CELF3: variants seen among roughly 807,000 people sequenced by gnomAD.
CELF3 encodes the protein CUGBP Elav-like family member 3, also known as CAG repeat domain.
Under a neutral mutation model 59.6 loss-of-function variants are expected in CELF3, and 26 were observed. The observed-to-expected ratio is 0.44, with a 90% confidence interval of 0.32 to 0.61. The LOEUF is 0.61. CELF3 is among the 20% of genes least tolerant of loss of function. The pLI, the probability that CELF3 is intolerant of heterozygous loss-of-function variation, is 0.06. For missense variants in CELF3, 387 were observed against 627.2 expected (o/e 0.62, Z 4.09); for synonymous variants, 245 against 250.7 (o/e 0.98, Z 0.22).
At chr1:151,708,564 G>A (rs968001397) in intron 5 of CELF3, among the ~76,000 whole-genome samples, 3 of 152,216 alleles carry the variant, frequency 2.0e-5, no homozygotes, top group African/African-American at 7.2e-5. Context: ...ACAGCCTTCT[G>A]AGTCAGCCAG....
intron 2 of CELF3, among the ~76,000 whole-genome samples, chr1:151,713,315 A>C (rs1193968915): frequency 6.6e-6 from 1 of 152,198 alleles, no homozygotes; most frequent in Non-Finnish European, 1.5e-5. Context: ...CTGAGCTGCC[A>C]GGCAGCTGGA....
chr1:151,706,172 T>A lies in CELF3; in HGVS notation c.1126+52A>T. ...GGGCTCAGCGCGGGGTGACAGGGAG[T>A]CCCCAAGCCCATAACGAGGGCATTC... On this transcript the variant is annotated intron_variant, in intron 10 of 12. Transcript: ENST00000290583. The A allele has an allele frequency of 1.9e-6, 3 of 1,610,216 alleles. No homozygotes were observed. In the South Asian group the frequency reaches 3.3e-5, roughly 18 times the overall value.
rs1366886247 is a variant in CELF3, at chr1:151,701,162, T to C, written c.*2297A>G. The C allele has an allele frequency of 1.3e-5, 2 of 152,242 alleles. No homozygotes were observed. Among genetic ancestry groups the C allele is most frequent in the Admixed American group, 6.5e-5 (1 of 15,282 alleles). The allele number at this position is 152,242 out of a possible 1,614,324, so 9.4% of individuals were successfully genotyped here. ...GAGTAAGTAAATCAGCTGAATACTT[T>C]AGAGGTAGACTTGGTAGGGCTTTGC... On this transcript the variant is annotated 3_prime_UTR_variant, in exon 13 of 13. Transcript: ENST00000290583.
In CELF3 at chr1:151,716,456, C is replaced by A; in HGVS notation, c.-436G>T. On this transcript the variant is annotated 5_prime_UTR_variant, in exon 1 of 13. Transcript: ENST00000290583. ...GGGAGGAGACTGAGGGGTTAAGGGG[C>A]CTGCTATGGTTGCCAGCAGCGTCAG... 6.6e-6 allele frequency: 2 copies of A among 304,726 alleles called. No individual in the cohort carries two copies. The highest frequency in any genetic ancestry group is 5.8e-5 in the South Asian group (2 of 34,266). 18.9% of individuals were successfully genotyped at this position (304,726 alleles called of 1,614,324 possible).
chr1:151,716,122 C>T lies in CELF3; in HGVS notation c.-102G>A. 3.1e-6 allele frequency: 4 copies of T among 1,272,688 alleles called. No homozygotes were observed. The highest frequency in any genetic ancestry group is 4.2e-6 in the Non-Finnish European group (4 of 941,342). 78.8% of individuals were successfully genotyped at this position (1,272,688 alleles called of 1,614,324 possible). On this transcript the variant is annotated 5_prime_UTR_variant, in exon 1 of 13. Coordinates refer to ENST00000290583, the MANE Select transcript of CELF3 (RefSeq NM_007185.7). ...TAAGTGGTGGGGCCCGGGGGCCCAG[C>T]TGGGGCTGGCTTTCCCTTTGGCCCC... is the stretch of plus-strand genomic sequence containing the variant.
rs1023063201 is a variant in CELF3 at position 151,716,326 on chromosome 1, AC to A, written c.-307del. 1 of 365,078 alleles carries A rather than the reference AC, an allele frequency of 2.7e-6. No individual in the cohort carries two copies. The highest frequency in any genetic ancestry group is 5.0e-6 in the Non-Finnish European group (1 of 199,020). 22.6% of individuals were successfully genotyped at this position (365,078 alleles called of 1,614,324 possible). ...CAGGATGGGGGTGAGTATGGCCAAG[AC>A]CTGGAGGGTTAGGTGGTAGCCGGGG... is the stretch of plus-strand genomic sequence containing the variant. On this transcript the variant is annotated 5_prime_UTR_variant, in exon 1 of 13. Transcript: ENST00000290583.
At chr1:151,704,536 C>A (rs1469783852) in intron 12 of CELF3, among the ~76,000 whole-genome samples, 1 of 152,194 alleles carries the variant, frequency 6.6e-6, no homozygotes, top group East Asian at 1.9e-4. Flanking sequence ...TGGGAAAAAT[C>A]ACCTGAAGTC....
chr1:151,708,070 A>G, intron 5 of CELF3, 135 bp from the exon 6 acceptor site: 1 of 930,792 alleles, frequency 1.1e-6, no homozygotes, highest in Non-Finnish European at 1.6e-6. Context: ...CATTTTGCGT[A>G]TGAAAGATGG....
chr1:151,708,952 G>T, intron 5 of CELF3, 46 bp downstream of exon 5: 1 of 1,556,810 alleles, frequency 6.4e-7, no homozygotes, highest in Non-Finnish European at 8.8e-7. Context: ...CTGGCAGGTG[G>T]GCAGGGTGGG....
Position 151,709,259 on chromosome 1 carries a change from C to G in CELF3, c.367G>C (p.Glu123Gln). The change falls in exon 4 of 13, where the codon GAG becomes CAG. Residue 123 changes from glutamate to glutamine, a missense_variant. Transcript: ENST00000290583. The surrounding 1 kb of genome is among the most constrained non-coding windows in gnomAD (Gnocchi z 4.9). ...TCTGGCCCCCGGAGCACAGTGCACTCGTCGATGGTCCCGAAGGGCTCAAAC... is the reference window on the plus strand; with the variant it reads ...TCTGGCCCCCGGAGCACAGTGCACTGGTCGATGGTCCCGAAGGGCTCAAAC... ...KMFEPFGTID[E>Q]CTVLRGPDGT... The G allele has an allele frequency of 6.2e-7, 1 of 1,614,050 alleles. No individual in the cohort carries two copies. The highest frequency in any genetic ancestry group is 8.5e-7 in the Non-Finnish European group (1 of 1,179,954).
Position 151,701,997 on chromosome 1 carries a change from A to C in CELF3, c.*1462T>G, listed in dbSNP as rs565227979. On this transcript the variant is annotated 3_prime_UTR_variant, in exon 13 of 13. Coordinates refer to ENST00000290583, the MANE Select transcript of CELF3 (RefSeq NM_007185.7). Reference sequence around the variant, plus strand: ...TAGGAGGTAAAATGAGGAAATGCACAATAAGGACTTGGAACAGAATCACAT... The same window carrying C: ...TAGGAGGTAAAATGAGGAAATGCACCATAAGGACTTGGAACAGAATCACAT... Among the ~76,000 whole-genome samples the C allele has an allele frequency of 6.6e-6, 1 of 152,366 alleles. No individual in the cohort carries two copies. The highest frequency in any genetic ancestry group is 2.1e-4 in the South Asian group (1 of 4,828).
intron 12 of CELF3, among the ~76,000 whole-genome samples, 158 bp from the exon 13 acceptor site, chr1:151,703,606 T>C (rs1040301967): frequency 2.0e-5 from 3 of 151,648 alleles, no homozygotes; most frequent in African/African-American, 7.3e-5. Flanking sequence ...CGGACCCATC[T>C]GCCCCCACCC....
In CELF3 at chr1:151,703,131, C is replaced by T. The variant is rs1022280218; in HGVS notation, c.*328G>A. The T allele has an allele frequency of 4.4e-5, 20 of 459,618 alleles. No individual in the cohort carries two copies. The highest frequency in any genetic ancestry group is 3.3e-4 in the Middle Eastern group (1 of 3,072). The allele number at this position is 459,618 out of a possible 1,614,324, so 28.5% of individuals were successfully genotyped here. ...GGCCCACTGTTGGGGGAGGCAAGTA[C>T]AAACGCTGGGTACAGAAGGCCTGTC... On this transcript the variant is annotated 3_prime_UTR_variant, in exon 13 of 13. Transcript: ENST00000290583.
rs555432201 is a variant in CELF3 at position 151,706,519 on chromosome 1, C to T, written c.988+150G>A. ...GCCTCAGACCCCTGGGTGTGCTGCC[C>T]TTAAAGACCCCTCCCCACAGTTGGG... On this transcript the variant is annotated intron_variant, in intron 9 of 12. Transcript: ENST00000290583. 3.8e-5 allele frequency: 44 copies of T among 1,171,226 alleles called. No homozygotes were observed. In the East Asian group the frequency reaches 4.9e-4, roughly 13 times the overall value. The allele number at this position is 1,171,226 out of a possible 1,614,324, so 72.6% of individuals were successfully genotyped here.
rs1423966587 is a variant in CELF3 at position 151,706,157 on chromosome 1, C to T, written c.1126+67G>A. The stretch of plus-strand genomic sequence containing the variant: ...ACGTGGGCAAGAGCTGGGCTCAGCG[C>T]GGGGTGACAGGGAGTCCCCAAGCCC... On this transcript the variant is annotated intron_variant, in intron 10 of 12. Transcript: ENST00000290583. 56 of 1,609,838 alleles carry T rather than the reference C, an allele frequency of 3.5e-5. 1 individual carries two copies. The highest frequency in any genetic ancestry group is 6.6e-5 in the South Asian group (6 of 90,954).
At position 151,703,107 on chromosome 1, in the gene CELF3, G is replaced by A. The variant is rs1672202386; in HGVS notation, c.*352C>T. 2.2e-6 allele frequency: 1 copy of A among 456,802 alleles called. No individual in the cohort carries two copies. Among genetic ancestry groups the A allele is most frequent in the East Asian group, 6.9e-5 (1 of 14,440 alleles). 28.3% of individuals were successfully genotyped at this position (456,802 alleles called of 1,614,324 possible). The stretch of plus-strand genomic sequence containing the variant: ...CCTGGGGCCTGCACGGGTAGAACAG[G>A]CCCACTGTTGGGGGAGGCAAGTACA... On this transcript the variant is annotated 3_prime_UTR_variant, in exon 13 of 13. Coordinates refer to ENST00000290583, the MANE Select transcript of CELF3 (RefSeq NM_007185.7).
intron 2 of CELF3, chr1:151,710,278 C>T (rs1481594428): frequency 4.2e-6 from 1 of 237,378 alleles, no homozygotes; most frequent in Non-Finnish European, 8.5e-6. Context: ...CTCTTTCTGC[C>T]CCCCTATACC....
At chr1:151,712,897 G>A (rs1329402613) in intron 2 of CELF3, among the ~76,000 whole-genome samples, 2 of 151,974 alleles carry the variant, frequency 1.3e-5, no homozygotes, top group East Asian at 3.9e-4. Context: ...GCACACACAT[G>A]CGTGTGCATG....
At position 151,705,224 on chromosome 1, in the gene CELF3, A is replaced by T; in HGVS notation, c.1271-56T>A. The stretch of plus-strand genomic sequence containing the variant: ...AGCCCCACCTCGCTCTTCCGTGCTT[A>T]GGAGACCTCTGGCACTACCCTGTGT... On this transcript the variant is annotated intron_variant, in intron 11 of 12. Coordinates refer to ENST00000290583, the MANE Select transcript of CELF3 (RefSeq NM_007185.7). The surrounding 1 kb of genome is among the most constrained non-coding windows in gnomAD (Gnocchi z 5.1). 1.9e-6 allele frequency: 3 copies of T among 1,560,350 alleles called. No homozygotes were observed. Among genetic ancestry groups the T allele is most frequent in the Non-Finnish European group, 2.6e-6 (3 of 1,146,564 alleles).
Sources: allele counts gnomAD v4.1 joint callset (sites outside exome capture counted in the v4.1 genomes callset), GRCh38; gene constraint gnomAD v4.1.1; non-coding constraint Gnocchi (gnomAD v3.1); transcripts MANE v1.5; gene names NCBI Gene and HGNC (gene_info 2026-07-23, HGNC 2026-07-21).